Variants in NBEA observed in about 807,000 individuals in gnomAD.
The protein encoded by NBEA is neurobeachin.
NBEA carries 44 observed loss-of-function variants against 343.4 expected under a neutral mutation model. The ratio of observed to expected loss-of-function variants is 0.13; its 90% confidence interval spans 0.10 to 0.16. The LOEUF (loss-of-function observed/expected upper bound fraction) is 0.16, where lower values mean the gene tolerates loss of function less well. Among genes scored for constraint, NBEA ranks in the 10% least tolerant of loss-of-function variants. The pLI is 1.00. For synonymous variants in NBEA, 1,175 were observed against 1,238.7 expected, an observed-to-expected ratio of 0.95 and a Z score of 1.08; for missense variants, 2,555 against 3,631.3, an observed-to-expected ratio of 0.70 and a Z score of 7.62.
chr13:35,317,344 C>T (rs2037811086), intron 36 of NBEA, among the ~76,000 whole-genome samples: 1 of 152,120 alleles, frequency 6.6e-6, no homozygotes, highest in Non-Finnish European at 1.5e-5. Flanking sequence ...TTCCCAGCAC[C>T]ATTTATTAAA....
chr13:35,405,329 G>A (rs1308597502), intron 38 of NBEA, among the ~76,000 whole-genome samples: 1 of 152,158 alleles, frequency 6.6e-6, no homozygotes, highest in Non-Finnish European at 1.5e-5. Context: ...AGGTGGCAGG[G>A]CTGGGATTTG....
intron 36 of NBEA, among the ~76,000 whole-genome samples, chr13:35,312,157 A>G (rs2037412971): frequency 1.3e-5 from 2 of 152,240 alleles, no homozygotes; most frequent in African/African-American, 2.4e-5. Flanking sequence ...CAAACATTAG[A>G]TGAACACATA....
At chr13:35,273,552 A>G (rs1157991103) in intron 34 of NBEA, among the ~76,000 whole-genome samples, 1 of 152,172 alleles carries the variant, frequency 6.6e-6, no homozygotes, top group Non-Finnish European at 1.5e-5. Flanking sequence ...AAAACCCTTC[A>G]AAAAAAGTCA....
At chr13:34,981,540 C>T (rs1433992535) in intron 1 of NBEA, among the ~76,000 whole-genome samples, 2 of 152,096 alleles carry the variant, frequency 1.3e-5, no homozygotes, top group African/African-American at 4.8e-5. Flanking sequence ...AGGATAACCC[C>T]ATGATGTATT....
At position 35,277,921 on chromosome 13, in the gene NBEA, T is replaced by C. The variant is rs1023228746; in HGVS notation, c.5777-12468T>C. On this transcript the variant is annotated intron_variant, in intron 34 of 58. Transcript: ENST00000379939. ...GGCCAACATGGCAAAACCCCATCTC[T>C]ACTAAAAAATACAAAACTTAGCCAG... is the stretch of plus-strand genomic sequence containing the variant. Among the ~76,000 whole-genome samples the C allele has an allele frequency of 1.3e-4, 20 of 151,104 alleles. No homozygotes were observed. In the South Asian group the frequency reaches 2.9e-3, roughly 22 times the overall value.
At chr13:35,082,308 A>G (rs943130411) in intron 10 of NBEA, among the ~76,000 whole-genome samples, 1 of 152,150 alleles carries the variant, frequency 6.6e-6, no homozygotes, top group Non-Finnish European at 1.5e-5. Flanking sequence ...TTCTTAATCC[A>G]GTCTATCATT....
chr13:35,375,697 C>T (rs1025900810), intron 38 of NBEA, among the ~76,000 whole-genome samples: 13 of 152,234 alleles, frequency 8.5e-5, no homozygotes, highest in African/African-American at 3.1e-4. Flanking sequence ...AGAAACCATA[C>T]ATGAAATCAT....
At position 35,171,348 on chromosome 13, in the gene NBEA, C is replaced by G; in HGVS notation, c.4319C>G (p.Ala1440Gly). The part of the protein sequence containing the change: ...TAVTFLSRLM[A>G]MVDVLVFASS... ...GTAACTTTCCTCAGCCGGCTGATGG[C>G]TATGGTTGATGTACTTGTGTTTGCA... The change falls in exon 26 of 59, where the codon GCT (alanine) becomes GGT (glycine). Residue 1440 changes from alanine to glycine, a missense_variant. Physicochemically the swap from Ala to Gly is moderately conservative, Grantham distance 60. This residue lies in a region of NBEA where 168 missense variants were observed against 193.0 expected (regional missense o/e 0.87). Coordinates refer to ENST00000379939, the MANE Select transcript of NBEA (RefSeq NM_001385012.1). 6.2e-7 allele frequency: 1 copy of G among 1,612,026 alleles called. No individual in the cohort carries two copies. The highest frequency in any genetic ancestry group is 1.1e-5 in the South Asian group (1 of 90,936).
At chr13:35,577,671 A>G (rs566958059) in intron 45 of NBEA, among the ~76,000 whole-genome samples, 31 of 152,072 alleles carry the variant, frequency 2.0e-4, no homozygotes, top group African/African-American at 5.6e-4. Context: ...AATTGGGTCA[A>G]TCAGTCTTCA....
chr13:35,118,281 G>A lies in NBEA; in HGVS notation c.2136G>A (p.Thr712=), dbSNP rs1349740347. The A allele has an allele frequency of 5.1e-6, 8 of 1,565,280 alleles. No homozygotes were observed. In the South Asian group the frequency reaches 7.1e-5, roughly 14 times the overall value. ...ELQSILNYLL[T]MHEDENIHDV... ...AGAGTATATTAAATTACCTACTTAC[G>A]ATGCATGAGGTAGGACATGTTATGG... is the stretch of plus-strand genomic sequence containing the variant. Residue 712 remains threonine (T), a synonymous_variant, in exon 15 of 59, where the codon ACG becomes ACA. Coordinates refer to ENST00000379939, the MANE Select transcript of NBEA (RefSeq NM_001385012.1).
At position 35,196,215 on chromosome 13, in the gene NBEA, G is replaced by A. The variant is rs372882596; in HGVS notation, c.5279G>A (p.Cys1760Tyr). Reference sequence around the variant, plus strand: ...GCTGCTCCAGTTGAAATAGCAGAATGTGGCCCTGAACCTATCCCATACCCA... The same window carrying A: ...GCTGCTCCAGTTGAAATAGCAGAATATGGCCCTGAACCTATCCCATACCCA... ...LVAAPVEIAE[C>Y]GPEPIPYPDP... Residue 1760 changes from cysteine to tyrosine, a missense_variant, in exon 31 of 59, where the codon TGT becomes TAT. Around this residue, in one of 21 missense-constraint regions of NBEA, gnomAD observed 270 missense variants for 293.3 expected, o/e 0.92. Transcript: ENST00000379939. 22 of 1,613,502 alleles carry A rather than the reference G, an allele frequency of 1.4e-5. No individual in the cohort carries two copies. In the African/African-American group the frequency reaches 2.7e-4, roughly 20 times the overall value.
At chr13:35,092,315 A>T (rs2065126074) in intron 10 of NBEA, among the ~76,000 whole-genome samples, 1 of 152,036 alleles carries the variant, frequency 6.6e-6, no homozygotes, top group Admixed American at 6.6e-5. Context: ...TAGGGTAGGC[A>T]AAGCTTTCTT....
chr13:35,341,865 C>T (rs895485742), intron 36 of NBEA, among the ~76,000 whole-genome samples: 2 of 152,050 alleles, frequency 1.3e-5, no homozygotes, highest in Non-Finnish European at 2.9e-5. Context: ...CCCAGAATTT[C>T]ATCTGTAGAT....
chr13:35,507,123 G>A (rs4500591), intron 41 of NBEA, among the ~76,000 whole-genome samples: 41,405 of 151,820 alleles, frequency 0.27, 5,999 homozygotes, highest in Admixed American at 0.42. Flanking sequence ...AAATCCATAG[G>A]CCAATCTCTA....
chr13:35,029,927 T>A (rs1161848706), intron 1 of NBEA, among the ~76,000 whole-genome samples: 1 of 151,724 alleles, frequency 6.6e-6, no homozygotes, highest in Non-Finnish European at 1.5e-5. Context: ...AGCATCATTG[T>A]GGACCACTTC....
intron 34 of NBEA, among the ~76,000 whole-genome samples, chr13:35,276,437 G>A (rs1292993916): frequency 1.3e-5 from 2 of 152,072 alleles, no homozygotes; most frequent in Non-Finnish European, 2.9e-5. Flanking sequence ...TTAAATTTAT[G>A]TCATTGAATA....
intron 33 of NBEA, among the ~76,000 whole-genome samples, 176 bp downstream of exon 33, chr13:35,211,355 G>A (rs961352901): frequency 6.6e-6 from 1 of 151,968 alleles, no homozygotes; most frequent in Non-Finnish European, 1.5e-5. Flanking sequence ...GATATATTTC[G>A]ATCTAAGCAG....
intron 45 of NBEA, among the ~76,000 whole-genome samples, chr13:35,569,284 T>C (rs752531638): frequency 1.9e-4 from 29 of 152,190 alleles, no homozygotes; most frequent in Non-Finnish European, 4.1e-4. Flanking sequence ...GGATGAAAAC[T>C]GTCAAACTAG....
intron 40 of NBEA, among the ~76,000 whole-genome samples, chr13:35,466,690 A>G (rs891846189): frequency 2.0e-5 from 3 of 152,030 alleles, no homozygotes; most frequent in Non-Finnish European, 4.4e-5. Flanking sequence ...GCTGGTCTCA[A>G]TCTCCTGGCC....
Sources: allele counts gnomAD v4.1 joint callset (sites outside exome capture counted in the v4.1 genomes callset), GRCh38; gene constraint gnomAD v4.1.1; regional missense constraint gnomAD v4.1.1; transcripts MANE v1.5; gene names NCBI Gene and HGNC (gene_info 2026-07-23, HGNC 2026-07-21).